FOXK1: variants seen among roughly 807,000 people sequenced by gnomAD.
FOXK1 encodes the protein forkhead box K1.
FOXK1 carries 19 observed loss-of-function variants against 51.9 expected under a neutral mutation model. The observed-to-expected ratio is 0.37, with a 90% CI of 0.26 to 0.54. The LOEUF is 0.54. Ranked by LOEUF, FOXK1 falls within the 20% of genes least tolerant of loss-of-function variation. The pLI is 0.87. For synonymous variants in FOXK1, 537 were observed against 482.6 expected (o/e 1.11, Z -1.48); for missense variants, 870 against 1,032.7 (o/e 0.84, Z 2.16).
At chr7:4,744,437 A>G (rs1780675263) in intron 2 of FOXK1, among the ~76,000 whole-genome samples, 1 of 151,882 alleles carries the variant, frequency 6.6e-6, no homozygotes, top group South Asian at 2.1e-4. Context: ...CCAGTTTCTC[A>G]TTGTTTCGAT....
intron 1 of FOXK1, among the ~76,000 whole-genome samples, chr7:4,700,881 T>C (rs1780012571): frequency 6.6e-6 from 1 of 152,172 alleles, no homozygotes; most frequent in Non-Finnish European, 1.5e-5. Context: ...TAGATAAACA[T>C]CCCACATACA....
intron 1 of FOXK1, among the ~76,000 whole-genome samples, chr7:4,691,279 T>G (rs533808709): frequency 6.6e-6 from 1 of 152,344 alleles, no homozygotes; most frequent in South Asian, 2.1e-4. Context: ...CATTAAATCA[T>G]GAACTGCTTG....
intron 1 of FOXK1, among the ~76,000 whole-genome samples, chr7:4,732,723 T>C (rs772637943): frequency 5.9e-5 from 9 of 152,244 alleles, no homozygotes; most frequent in Admixed American, 1.3e-4. Flanking sequence ...ATTAACAGTC[T>C]GAGCTGCTAT....
chr7:4,719,623 A>G (rs1401321715), intron 1 of FOXK1, among the ~76,000 whole-genome samples: 1 of 152,108 alleles, frequency 6.6e-6, no homozygotes. Flanking sequence ...CTGGGACTAC[A>G]GGCACACGCC....
At chr7:4,688,282 AC>A (rs1459495864) in intron 1 of FOXK1, among the ~76,000 whole-genome samples, 3 of 149,472 alleles carry the variant, frequency 2.0e-5, no homozygotes, top group African/African-American at 5.0e-5. Flanking sequence ...AAAAAAAAAA[AC>A]CACAGTGTCA....
intron 1 of FOXK1, among the ~76,000 whole-genome samples, chr7:4,702,098 A>G (rs1466136986): frequency 6.6e-6 from 1 of 152,014 alleles, no homozygotes; most frequent in Non-Finnish European, 1.5e-5. Flanking sequence ...AAAAGCAACA[A>G]CAACAAAACC....
intron 1 of FOXK1, among the ~76,000 whole-genome samples, chr7:4,692,172 T>C (rs978676134): frequency 6.6e-6 from 1 of 152,142 alleles, no homozygotes; most frequent in African/African-American, 2.4e-5. Flanking sequence ...GAATAAGAGT[T>C]TTTTTGGTAG....
In FOXK1 at chr7:4,709,988, C is replaced by A. The variant is rs1279050325; in HGVS notation, c.560+27120C>A. 1.3e-5 allele frequency among the ~76,000 whole-genome samples: 2 copies of A among 152,202 alleles called. No individual in the cohort carries two copies. Among genetic ancestry groups the A allele is most frequent in the Non-Finnish European group, 2.9e-5 (2 of 68,044 alleles). On this transcript the variant is annotated intron_variant, in intron 1 of 8. Coordinates refer to ENST00000328914, the MANE Select transcript of FOXK1 (RefSeq NM_001037165.2). This position sits in a 1 kb window ranked among gnomAD's most constrained non-coding sequence, Gnocchi z 5.6. The stretch of plus-strand genomic sequence containing the variant: ...AAGGGGTAGAAGAACAGGCAAAATC[C>A]ATGATTTTTAAACGTTAAATTGTGT...
chr7:4,709,469 G>A lies in FOXK1; in HGVS notation c.560+26601G>A, dbSNP rs1466642927. ...TGGACTCGATGTCTCCGAGCAGATC[G>A]AGGCTGGCCCACCCCTGCTGGCCCG... is the stretch of plus-strand genomic sequence containing the variant. On this transcript the variant is annotated intron_variant, in intron 1 of 8. Transcript: ENST00000328914. This position sits in a 1 kb window ranked among gnomAD's most constrained non-coding sequence, Gnocchi z 5.6. Among the ~76,000 whole-genome samples the A allele has an allele frequency of 2.6e-5, 4 of 152,114 alleles. No individual in the cohort carries two copies. Among genetic ancestry groups the A allele is most frequent in the Non-Finnish European group, 5.9e-5 (4 of 68,036 alleles).
At chr7:4,702,469 A>G (rs1321214629) in intron 1 of FOXK1, among the ~76,000 whole-genome samples, 2 of 151,892 alleles carry the variant, frequency 1.3e-5, no homozygotes, top group African/African-American at 4.8e-5. Context: ...CAGCCTCCGG[A>G]GTAGCTGGGA....
Position 4,723,815 on chromosome 7 carries a change from G to A in FOXK1, c.561-17023G>A, listed in dbSNP as rs1166710763. 1.3e-5 allele frequency among the ~76,000 whole-genome samples: 2 copies of A among 152,040 alleles called. No individual in the cohort carries two copies. The highest frequency in any genetic ancestry group is 2.9e-5 in the Non-Finnish European group (2 of 67,998). On this transcript the variant is annotated intron_variant, in intron 1 of 8. Coordinates refer to ENST00000328914, the MANE Select transcript of FOXK1 (RefSeq NM_001037165.2). This position sits in a 1 kb window ranked among gnomAD's most constrained non-coding sequence, Gnocchi z 4.7. ...CCCAAATAGCTGAGACTACCAGTGT[G>A]CACCACCACACCTGGCTGACTTCTT...
intron 1 of FOXK1, among the ~76,000 whole-genome samples, chr7:4,700,242 G>A (rs527823749): frequency 2.0e-5 from 3 of 152,312 alleles, no homozygotes; most frequent in Admixed American, 6.5e-5. Flanking sequence ...CATAGCCTCA[G>A]TACATACCAA....
intron 1 of FOXK1, among the ~76,000 whole-genome samples, chr7:4,689,797 G>A (rs1779869513): frequency 6.6e-6 from 1 of 152,198 alleles, no homozygotes; most frequent in Admixed American, 6.5e-5. Flanking sequence ...GTGGCATCAA[G>A]GACAGTGACG....
rs1780519925 is a variant in FOXK1 at position 4,734,081 on chromosome 7, G to A, written c.561-6757G>A. Among the ~76,000 whole-genome samples the A allele has an allele frequency of 6.6e-6, 1 of 152,142 alleles. No individual in the cohort carries two copies. The highest frequency in any genetic ancestry group is 6.5e-5 in the Admixed American group (1 of 15,272). On this transcript the variant is annotated intron_variant, in intron 1 of 8. Coordinates refer to ENST00000328914, the MANE Select transcript of FOXK1 (RefSeq NM_001037165.2). This position sits in a 1 kb window ranked among gnomAD's most constrained non-coding sequence, Gnocchi z 5.2. ...CCCATGTCCTCAACCCCTAACCACT[G>A]AAGCGATGCCTGTGTTTTAACCTTA...
intron 1 of FOXK1, among the ~76,000 whole-genome samples, chr7:4,699,923 C>T (rs138901291): frequency 1.2e-3 from 181 of 152,264 alleles, no homozygotes; most frequent in Non-Finnish European, 1.7e-3. Flanking sequence ...GATCTCATTT[C>T]TTTGTGTTGT....
intron 1 of FOXK1, among the ~76,000 whole-genome samples, chr7:4,739,348 G>T (rs890213332): frequency 6.6e-6 from 1 of 152,212 alleles, no homozygotes; most frequent in Non-Finnish European, 1.5e-5. Flanking sequence ...AAACAGCTGC[G>T]CAGGCGGCCA....
intron 1 of FOXK1, among the ~76,000 whole-genome samples, chr7:4,732,184 G>A (rs180748451): frequency 2.0e-5 from 3 of 152,354 alleles, no homozygotes. Flanking sequence ...CACGCCCTGT[G>A]TGCGTCTGAT....
intron 2 of FOXK1, among the ~76,000 whole-genome samples, chr7:4,744,760 G>A (rs1780679662): frequency 6.6e-6 from 1 of 152,252 alleles, no homozygotes; most frequent in Non-Finnish European, 1.5e-5. Flanking sequence ...AGCCAGGAAG[G>A]TGGGGGGCCA....
At position 4,758,178 on chromosome 7, in the gene FOXK1, G is replaced by GC. The variant is rs1780879833; in HGVS notation, c.1245-870dup. ...ACAGATGAGGGGTATGACCTGGGGA[G>GC]CCCACAACCGCCTTTGCTTTTCGCA... On this transcript the variant is annotated intron_variant, in intron 5 of 8. Coordinates refer to ENST00000328914, the MANE Select transcript of FOXK1 (RefSeq NM_001037165.2). The surrounding 1 kb of genome is among the most constrained non-coding windows in gnomAD (Gnocchi z 4.4). The GC allele has an allele frequency of 6.6e-6, 1 of 152,254 alleles. No individual in the cohort carries two copies. The highest frequency in any genetic ancestry group is 2.4e-5 in the African/African-American group (1 of 41,464). 9.4% of individuals were successfully genotyped at this position (152,254 alleles called of 1,614,324 possible). A position where few individuals can be genotyped will look rare whatever the true frequency, so the allele number is the denominator to read the frequency against.
Sources: gnomAD v4.1 joint callset for allele counts (sites outside exome capture counted in the v4.1 genomes callset) on GRCh38, gnomAD v4.1.1 for gene constraint, Gnocchi (gnomAD v3.1) non-coding constraint, MANE v1.5 for transcripts, NCBI Gene and HGNC (gene_info 2026-07-23, HGNC 2026-07-21) for gene names.